Variants in KLHL14 observed in about 807,000 individuals in gnomAD.
KLHL14 encodes the protein kelch like family member 14.
KLHL14 carries 22 observed loss-of-function variants against 64.3 expected under a neutral mutation model. The observed-to-expected ratio is 0.34, with a 90% CI of 0.24 to 0.49. The LOEUF (loss-of-function observed/expected upper bound fraction) is 0.49. Among genes scored for constraint, KLHL14 ranks in the 20% least tolerant of loss-of-function variants. The pLI is 0.99. For missense variants in KLHL14, 661 were observed against 789.0 expected (o/e 0.84, Z 1.94); for synonymous variants, 322 against 333.4 (o/e 0.97, Z 0.37).
intron 3 of KLHL14, among the ~76,000 whole-genome samples, chr18:32,706,277 G>A (rs967291985): frequency 2.0e-5 from 3 of 152,108 alleles, no homozygotes; most frequent in African/African-American, 7.2e-5. Flanking sequence ...GGTGCAGTCC[G>A]TGATCTTAGG....
chr18:32,696,683 A>G (rs749737976), intron 3 of KLHL14, among the ~76,000 whole-genome samples: 2 of 152,096 alleles, frequency 1.3e-5, no homozygotes, highest in African/African-American at 2.4e-5. Flanking sequence ...TCCTTTGCCA[A>G]TGCAGGGAGA....
At chr18:32,767,155 C>T (rs1379263727) in intron 2 of KLHL14, among the ~76,000 whole-genome samples, 1 of 152,156 alleles carries the variant, frequency 6.6e-6, no homozygotes, top group East Asian at 1.9e-4. Context: ...TTGGTTAACA[C>T]ATTTATCCCC....
intron 2 of KLHL14, among the ~76,000 whole-genome samples, chr18:32,748,417 T>C (rs1356046895): frequency 6.6e-6 from 1 of 152,016 alleles, no homozygotes; most frequent in Non-Finnish European, 1.5e-5. Flanking sequence ...TCACCGAGGC[T>C]GGAGCGCAGT....
chr18:32,770,302 TGCTGCTGCTGTGACG>T lies in KLHL14; in HGVS notation c.275_289del (p.Pro92_Gln96del), dbSNP rs1407422126. On this transcript the variant is annotated inframe_deletion, in exon 2 of 9. Coordinates refer to ENST00000359358, the MANE Select transcript of KLHL14 (RefSeq NM_020805.3). This position sits in a 1 kb window ranked among gnomAD's most constrained non-coding sequence, Gnocchi z 6.7. ...CCCGGGCTCCTCCTGCGGCGGCGGC[TGCTGCTGCTGTGACG>T]GCTGCTGCTGCGGCGGCTGCTGCTG... 1 of 1,583,344 alleles carries T rather than the reference TGCTGCTGCTGTGACG, an allele frequency of 6.3e-7. No homozygotes were observed. The highest frequency in any genetic ancestry group is 8.6e-7 in the Non-Finnish European group (1 of 1,164,626).
At chr18:32,684,108 A>G (rs2049858139) in intron 5 of KLHL14, among the ~76,000 whole-genome samples, 1 of 152,188 alleles carries the variant, frequency 6.6e-6, no homozygotes, top group South Asian at 2.1e-4. Flanking sequence ...TTACTGAAAA[A>G]AAATTAAGTT....
At chr18:32,677,393 A>G in intron 7 of KLHL14, 63 bp from the exon 8 acceptor site, 1 of 1,450,402 alleles carries the variant, frequency 6.9e-7, no homozygotes, top group South Asian at 1.4e-5. Context: ...ATTTAAGGCT[A>G]GGGCTTCTTT....
rs1302467734 is a variant in KLHL14 at position 32,683,777 on chromosome 18, A to C, written c.1239-3178T>G. 2.6e-5 allele frequency among the ~76,000 whole-genome samples: 4 copies of C among 152,176 alleles called. No homozygotes were observed. Among genetic ancestry groups the C allele is most frequent in the Admixed American group, 1.3e-4 (2 of 15,268 alleles). The stretch of plus-strand genomic sequence containing the variant: ...GTTCTTTCTGGCCCTTGGAGTTGTC[A>C]GTTTATATCCTAAAGCATGAGATTG... On this transcript the variant is annotated intron_variant, in intron 5 of 8. Coordinates refer to ENST00000359358, the MANE Select transcript of KLHL14 (RefSeq NM_020805.3). This position sits in a 1 kb window ranked among gnomAD's most constrained non-coding sequence, Gnocchi z 4.2.
rs544538171 is a variant in KLHL14 at position 32,740,785 on chromosome 18, C to T, written c.1069+1143G>A. On this transcript the variant is annotated intron_variant, in intron 3 of 8. Coordinates refer to ENST00000359358, the MANE Select transcript of KLHL14 (RefSeq NM_020805.3). ...TATTCTACTACTTCTTTACTACAAC[C>T]GTAGCGCATTGGTGTCCAGGGAGCT... 1.1e-4 allele frequency: 17 copies of T among 152,226 alleles called. No homozygotes were observed. In the South Asian group the frequency reaches 1.7e-3, roughly 15 times the overall value. The allele number at this position is 152,226 out of a possible 1,614,324, so 9.4% of individuals were successfully genotyped here. A position where few individuals can be genotyped will look rare whatever the true frequency, so the allele number is the denominator to read the frequency against.
chr18:32,733,906 C>T (rs1159569954), intron 3 of KLHL14: 5 of 483,966 alleles, frequency 1.0e-5, no homozygotes, highest in Non-Finnish European at 1.9e-5. Context: ...GATCCTGTCC[C>T]TATTCCATCA....
At chr18:32,734,054 T>C in intron 3 of KLHL14, 2 of 651,968 alleles carry the variant, frequency 3.1e-6, no homozygotes, top group Non-Finnish European at 5.6e-6. Context: ...TTGATGATTT[T>C]GGGTAATCTC....
At chr18:32,734,917 C>G (rs2050156939) in intron 3 of KLHL14, among the ~76,000 whole-genome samples, 1 of 152,182 alleles carries the variant, frequency 6.6e-6, no homozygotes, top group Admixed American at 6.5e-5. Context: ...CACGCGCACA[C>G]ATGCTCTTTG....
At chr18:32,763,332 A>G (rs1294525219) in intron 2 of KLHL14, among the ~76,000 whole-genome samples, 3 of 152,124 alleles carry the variant, frequency 2.0e-5, no homozygotes, top group Non-Finnish European at 4.4e-5. Context: ...TCATTGGTTG[A>G]GTGGCCTGAA....
chr18:32,674,844 T>G (rs1193179252), intron 8 of KLHL14, 47 bp from the exon 9 acceptor site: 4 of 761,082 alleles, frequency 5.3e-6, no homozygotes. Context: ...GCTAGAGAAG[T>G]GCAATGGCAA....
intron 3 of KLHL14, among the ~76,000 whole-genome samples, chr18:32,712,746 C>T (rs1463113031): frequency 6.6e-6 from 1 of 152,190 alleles, no homozygotes; most frequent in African/African-American, 2.4e-5. Flanking sequence ...TCACTTCAAC[C>T]TGTTCCAGTT....
At chr18:32,769,404 A>G (rs954023310) in intron 2 of KLHL14, among the ~76,000 whole-genome samples, 1 of 151,860 alleles carries the variant, frequency 6.6e-6, no homozygotes, top group African/African-American at 2.4e-5. Context: ...GGCTCTGGGG[A>G]TATCTAGAAC....
rs2050367744 is a variant in KLHL14 at position 32,769,749 on chromosome 18, C to T, written c.843G>A (p.Val281=). The part of the protein sequence containing the change: ...APELVERVQS[V]DFMRTDPVCQ... ...AGACCGGGTCGGTTCGCATGAAATC[C>T]ACTGACTGGACCCGCTCCACCAGCT... is the stretch of plus-strand genomic sequence containing the variant. The change falls in exon 2 of 9, where the codon GTG becomes GTA. Residue 281 remains valine (V), a synonymous_variant. Coordinates refer to ENST00000359358, the MANE Select transcript of KLHL14 (RefSeq NM_020805.3). 1 of 1,604,888 alleles carries T rather than the reference C, an allele frequency of 6.2e-7. No homozygotes were observed.
chr18:32,691,074 C>T (rs899819326), intron 4 of KLHL14, among the ~76,000 whole-genome samples: 2 of 152,236 alleles, frequency 1.3e-5, no homozygotes, highest in East Asian at 1.9e-4. Flanking sequence ...ATCATTCTTA[C>T]GTCAAGTTCC....
intron 2 of KLHL14, among the ~76,000 whole-genome samples, chr18:32,756,517 T>C (rs981837172): frequency 3.3e-5 from 5 of 152,128 alleles, no homozygotes; most frequent in African/African-American, 7.2e-5. Flanking sequence ...TTCCTGGAAG[T>C]TGGACTGTCA....
intron 3 of KLHL14, among the ~76,000 whole-genome samples, chr18:32,726,776 C>G (rs7233463): frequency 0.37 from 56,914 of 151,976 alleles, 12,797 homozygotes; most frequent in African/African-American, 0.64. Context: ...CTGCAGATAA[C>G]TGCAACCGAG....
Sources: gnomAD v4.1 joint callset for allele counts (sites outside exome capture counted in the v4.1 genomes callset) on GRCh38, gnomAD v4.1.1 for gene constraint, Gnocchi (gnomAD v3.1) non-coding constraint, MANE v1.5 for transcripts, NCBI Gene and HGNC (gene_info 2026-07-23, HGNC 2026-07-21) for gene names.